Variants in EPHA5 observed in about 807,000 individuals in gnomAD.
EPHA5 encodes the protein ephrin type-A receptor 5.
Under a neutral mutation model 105.0 loss-of-function variants are expected in EPHA5, and 60 were observed. That is an observed-to-expected ratio of 0.57 (90% CI 0.46 to 0.71). EPHA5 has a LOEUF of 0.71. EPHA5 is among the 30% of genes least tolerant of loss of function. The pLI, the probability that EPHA5 is intolerant of heterozygous loss-of-function variation, is 0.00. For synonymous variants in EPHA5, 513 were observed against 449.1 expected, an observed-to-expected ratio of 1.14 and a Z score of -1.80; for missense variants, 1,218 against 1,274.7, an observed-to-expected ratio of 0.96 and a Z score of 0.68.
At chr4:65,526,472 T>G (rs192882528) in intron 3 of EPHA5, among the ~76,000 whole-genome samples, 3 of 151,996 alleles carry the variant, frequency 2.0e-5, no homozygotes, top group African/African-American at 7.2e-5. Context: ...ATTAAAAATT[T>G]GATTTCATTG....
chr4:65,426,654 A>G (rs1432567729), intron 5 of EPHA5, among the ~76,000 whole-genome samples: 1 of 152,156 alleles, frequency 6.6e-6, no homozygotes, highest in African/African-American at 2.4e-5. Flanking sequence ...TTTAAAGCTA[A>G]TAAAGGATAT....
intron 2 of EPHA5, among the ~76,000 whole-genome samples, chr4:65,638,342 G>A (rs998778297): frequency 1.3e-5 from 2 of 152,102 alleles, no homozygotes; most frequent in Non-Finnish European, 2.9e-5. Flanking sequence ...ATTCTATTTA[G>A]AGGAAGAAAC....
chr4:65,652,149 C>A (rs893647003), intron 1 of EPHA5, among the ~76,000 whole-genome samples: 1 of 152,142 alleles, frequency 6.6e-6, no homozygotes, highest in South Asian at 2.1e-4. Context: ...CTTAATTCCA[C>A]CCTACTATGT....
At chr4:65,520,921 T>G (rs1021321638) in intron 3 of EPHA5, among the ~76,000 whole-genome samples, 5 of 152,156 alleles carry the variant, frequency 3.3e-5, no homozygotes, top group African/African-American at 9.7e-5. Context: ...TTTTACACTG[T>G]TGGTAGGACT....
intron 3 of EPHA5, among the ~76,000 whole-genome samples, chr4:65,584,014 G>A (rs1490450693): frequency 1.3e-5 from 2 of 151,392 alleles, no homozygotes; most frequent in Non-Finnish European, 3.0e-5. Flanking sequence ...GTAAAATAAT[G>A]TATTTTAATA....
intron 2 of EPHA5, among the ~76,000 whole-genome samples, chr4:65,620,010 C>T (rs1745572521): frequency 6.7e-6 from 1 of 150,076 alleles, no homozygotes; most frequent in Non-Finnish European, 1.5e-5. Context: ...CTAGTTTAAT[C>T]ATCAATAGTA....
chr4:65,593,083 T>G (rs2149419937), intron 3 of EPHA5, among the ~76,000 whole-genome samples: 1 of 152,300 alleles, frequency 6.6e-6, no homozygotes, highest in South Asian at 2.1e-4. Flanking sequence ...GTTGTTTGAC[T>G]TTTCCTCTAA....
chr4:65,384,442 A>G (rs550374311), intron 8 of EPHA5, among the ~76,000 whole-genome samples: 12 of 152,042 alleles, frequency 7.9e-5, no homozygotes, highest in African/African-American at 2.9e-4. Context: ...AAACTTCCCT[A>G]ATTTTTGGTC....
chr4:65,326,935 C>T (rs1345700731), intron 16 of EPHA5, among the ~76,000 whole-genome samples: 1 of 151,292 alleles, frequency 6.6e-6, no homozygotes, highest in South Asian at 2.1e-4. Flanking sequence ...TATACAATCA[C>T]AAAACTTAAA....
At chr4:65,446,403 T>G (rs1726535044) in intron 5 of EPHA5, among the ~76,000 whole-genome samples, 1 of 152,218 alleles carries the variant, frequency 6.6e-6, no homozygotes, top group Non-Finnish European at 1.5e-5. Context: ...TGATAGATAC[T>G]GTGACACTAC....
chr4:65,333,355 T>C (rs777707623), intron 15 of EPHA5, among the ~76,000 whole-genome samples: 2 of 151,770 alleles, frequency 1.3e-5, no homozygotes, highest in South Asian at 2.1e-4. Flanking sequence ...ATTACTCTAG[T>C]TGAGATGGTC....
chr4:65,552,592 C>G (rs1187451180), intron 3 of EPHA5, among the ~76,000 whole-genome samples: 2 of 152,010 alleles, frequency 1.3e-5, no homozygotes, highest in Non-Finnish European at 2.9e-5. Flanking sequence ...AAGAAAAGAC[C>G]AATTTCAACT....
At chr4:65,558,461 T>C (rs1410832288) in intron 3 of EPHA5, among the ~76,000 whole-genome samples, 5 of 152,168 alleles carry the variant, frequency 3.3e-5, no homozygotes, top group African/African-American at 4.8e-5. Context: ...TTGAGATATG[T>C]GTATCTGTGT....
At chr4:65,621,832 T>C (rs1212748870) in intron 2 of EPHA5, among the ~76,000 whole-genome samples, 1 of 152,116 alleles carries the variant, frequency 6.6e-6, no homozygotes, top group Non-Finnish European at 1.5e-5. Context: ...CTAGGCTGTA[T>C]ACATCTGCAT....
intron 3 of EPHA5, among the ~76,000 whole-genome samples, chr4:65,501,114 T>C: frequency 6.6e-6 from 1 of 151,460 alleles, no homozygotes; most frequent in African/African-American, 2.4e-5. Flanking sequence ...TTAAAATATG[T>C]GTTTGCTAAG....
At chr4:65,558,549 C>A (rs1343290508) in intron 3 of EPHA5, among the ~76,000 whole-genome samples, 2 of 151,940 alleles carry the variant, frequency 1.3e-5, no homozygotes, top group African/African-American at 4.8e-5. Flanking sequence ...AAATTAATTT[C>A]TTTTTAATTA....
chr4:65,355,999 G>A (rs1046346425), intron 11 of EPHA5, among the ~76,000 whole-genome samples: 1 of 151,436 alleles, frequency 6.6e-6, no homozygotes, highest in Non-Finnish European at 1.5e-5. Flanking sequence ...TATTGAGAGG[G>A]TTGTCACATT....
chr4:65,532,827 T>C (rs530839128), intron 3 of EPHA5, among the ~76,000 whole-genome samples: 1 of 151,906 alleles, frequency 6.6e-6, no homozygotes, highest in Admixed American at 6.5e-5. Context: ...TAGGCATAGT[T>C]TTTTAATGGT....
At chr4:65,528,479 G>T (rs1735453862) in intron 3 of EPHA5, among the ~76,000 whole-genome samples, 1 of 151,818 alleles carries the variant, frequency 6.6e-6, no homozygotes, top group Non-Finnish European at 1.5e-5. Flanking sequence ...AAAGTCGTTA[G>T]TTTTCCCTGT....
Sources: gnomAD v4.1 joint callset for allele counts (sites outside exome capture counted in the v4.1 genomes callset) on GRCh38, gnomAD v4.1.1 for gene constraint, MANE v1.5 for transcripts, NCBI Gene and HGNC (gene_info 2026-07-23, HGNC 2026-07-21) for gene names.